RNF20: variants seen among roughly 807,000 people sequenced by gnomAD.
The protein encoded by RNF20 is E3 ubiquitin-protein ligase BRE1A.
In RNF20, 84 loss-of-function variants were observed where a neutral mutation model predicts 126.2. The ratio of observed to expected loss-of-function variants is 0.67; its 90% CI spans 0.56 to 0.80. The LOEUF (loss-of-function observed/expected upper bound fraction) is 0.80. Ranked by LOEUF, RNF20 falls within the 30% of genes least tolerant of loss-of-function variation. RNF20 has a pLI of 0.00. For missense variants in RNF20, 869 were observed against 1,188.2 expected (o/e 0.73, Z 3.95); for synonymous variants, 400 against 414.3 (o/e 0.97, Z 0.42).
At position 101,557,456 on chromosome 9, in the gene RNF20, C is replaced by CT; in HGVS notation, c.2242_2243insT (p.Arg748LeufsTer11). 1 of 1,613,926 alleles carries CT rather than the reference C, an allele frequency of 6.2e-7. No individual in the cohort carries two copies. Among genetic ancestry groups the CT allele is most frequent in the Non-Finnish European group, 8.5e-7 (1 of 1,179,908 alleles). On this transcript the variant is annotated frameshift_variant, in exon 16 of 20. Coordinates refer to ENST00000389120, the MANE Select transcript of RNF20 (RefSeq NM_019592.7). LOFTEE classifies it high-confidence loss of function. ...TGAAGACATGCAGGAGCAAAATATC[C>CT]GTTTGATGCAGCAATTGCGGGAGAA...
chr9:101,550,957 C>G (rs759809422), intron 10 of RNF20, among the ~76,000 whole-genome samples, 172 bp downstream of exon 10: 17 of 152,272 alleles, frequency 1.1e-4, no homozygotes, highest in Non-Finnish European at 2.2e-4. Context: ...GACAAAATTC[C>G]TGCCCTCACA....
Position 101,550,756 on chromosome 9 carries a change from A to G in RNF20, c.1243A>G (p.Thr415Ala), listed in dbSNP as rs1827429891. 6.2e-7 allele frequency: 1 copy of G among 1,614,156 alleles called. No homozygotes were observed. The highest frequency in any genetic ancestry group is 1.1e-5 in the South Asian group (1 of 91,084). Residue 415 changes from threonine to alanine, a missense_variant, in exon 10 of 20, where the codon ACC becomes GCC. By Grantham distance (58) the Thr-to-Ala change is moderately conservative (BLOSUM62 0). Transcript: ENST00000389120. ...GACCCTGCTTCATGGCACCAGAGGA[A>G]CCCACCAGCACCAGGTTGAGCTTAT... ...ARTLLHGTRG[T>A]HQHQVELIER...
At position 101,557,612 on chromosome 9, in the gene RNF20, A is replaced by G; in HGVS notation, c.2382+16A>G. 2 of 1,561,512 alleles carry G rather than the reference A, an allele frequency of 1.3e-6. No individual in the cohort carries two copies. The highest frequency in any genetic ancestry group is 2.2e-5 in the East Asian group (1 of 44,562). ...GAAGACTCAGGTAATTAGGATGAGT[A>G]GAGCTTTCTATTCTGTTGAAATAGG... On this transcript the variant is annotated intron_variant, in intron 16 of 19. Transcript: ENST00000389120.
chr9:101,558,719 A>T (rs1827577550), intron 16 of RNF20, among the ~76,000 whole-genome samples: 1 of 152,096 alleles, frequency 6.6e-6, no homozygotes, highest in African/African-American at 2.4e-5. Context: ...AGAATTGTAT[A>T]TTCATGTCCT....
intron 5 of RNF20, among the ~76,000 whole-genome samples, chr9:101,544,175 C>T (rs1827309698): frequency 6.6e-6 from 1 of 152,184 alleles, no homozygotes; most frequent in South Asian, 2.1e-4. Context: ...ATGGATTTAC[C>T]TACCTGCTTT....
Position 101,562,496 on chromosome 9 carries a change from C to G in RNF20, c.*74C>G. ...TAACCACCAAACCTCTACCTCTTCTCTCCTTGACTGTCACCTGTAGGACAG... is the reference window on the plus strand; with the variant it reads ...TAACCACCAAACCTCTACCTCTTCTGTCCTTGACTGTCACCTGTAGGACAG... On this transcript the variant is annotated 3_prime_UTR_variant, in exon 20 of 20. Coordinates refer to ENST00000389120, the MANE Select transcript of RNF20 (RefSeq NM_019592.7). The G allele has an allele frequency of 7.1e-7, 1 of 1,402,640 alleles. No individual in the cohort carries two copies. The highest frequency in any genetic ancestry group is 1.4e-5 in the African/African-American group (1 of 70,156). The allele number at this position is 1,402,640 out of a possible 1,614,324, so 86.9% of individuals were successfully genotyped here.
At chr9:101,548,162 T>C (rs763142710) in intron 9 of RNF20, among the ~76,000 whole-genome samples, 1 of 152,160 alleles carries the variant, frequency 6.6e-6, no homozygotes, top group Admixed American at 6.6e-5. Flanking sequence ...TGTATGTGAG[T>C]GTGTGTGTGT....
intron 14 of RNF20, 97 bp from the exon 15 acceptor site, chr9:101,554,595 CTT>C: frequency 1.0e-6 from 1 of 958,248 alleles, no homozygotes; most frequent in Non-Finnish European, 1.5e-6. Flanking sequence ...TGTAAAGACT[CTT>C]TTGGTATTAT....
At chr9:101,545,022 A>T (rs1293796042) in intron 6 of RNF20, 137 bp downstream of exon 6, 1 of 657,752 alleles carries the variant, frequency 1.5e-6, no homozygotes, top group East Asian at 2.5e-5. Flanking sequence ...ACACAACACA[A>T]CTCCAAACCT....
chr9:101,536,935 C>G (rs1827194719), intron 2 of RNF20, among the ~76,000 whole-genome samples: 1 of 152,224 alleles, frequency 6.6e-6, no homozygotes, highest in Non-Finnish European at 1.5e-5. Flanking sequence ...CTCTCTTTCG[C>G]TATAACTGCA....
At chr9:101,543,726 T>C (rs1827300434) in intron 5 of RNF20, among the ~76,000 whole-genome samples, 1 of 152,254 alleles carries the variant, frequency 6.6e-6, no homozygotes. Context: ...TTTATTGTAT[T>C]CTAGCCCTGT....
rs544114552 is a variant in RNF20 at position 101,550,509 on chromosome 9, T to C, written c.1093-97T>C. ...AATAATCTTTATAAAATTGTCTCTC[T>C]TGTGTAGGACATCAGTGAGTTCAAA... On this transcript the variant is annotated intron_variant, in intron 9 of 19. Transcript: ENST00000389120. The C allele has an allele frequency of 5.3e-6, 5 of 940,854 alleles. No homozygotes were observed. In the South Asian group the frequency reaches 8.1e-5, roughly 15 times the overall value. The allele number at this position is 940,854 out of a possible 1,614,324, so 58.3% of individuals were successfully genotyped here.
chr9:101,553,994 A>G lies in RNF20; in HGVS notation c.1908A>G (p.Ala636=). 1 of 1,604,772 alleles carries G rather than the reference A, an allele frequency of 6.2e-7. No individual in the cohort carries two copies. Among genetic ancestry groups the G allele is most frequent in the Non-Finnish European group, 8.5e-7 (1 of 1,171,720 alleles). The change falls in exon 14 of 20, where the codon GCA becomes GCG. Residue 636 remains alanine, a synonymous_variant. Transcript: ENST00000389120. ...IKQLKIELKK[A]QESQKEMKLL... is the part of the protein sequence containing the mutation. Reference sequence around the variant, plus strand: ...TCTACTACGCCTGTCATAGGAAGGCACAGGAGAGCCAAAAGGAGATGAAAC... The same window carrying G: ...TCTACTACGCCTGTCATAGGAAGGCGCAGGAGAGCCAAAAGGAGATGAAAC...
Sources: gnomAD v4.1 joint callset for allele counts (sites outside exome capture counted in the v4.1 genomes callset) on GRCh38, gnomAD v4.1.1 for gene constraint, MANE v1.5 for transcripts, NCBI Gene and HGNC (gene_info 2026-07-23, HGNC 2026-07-21) for gene names.